The following SEC24B variants were observed in gnomAD, a reference collection of about 807,000 sequenced individuals.
SEC24B encodes protein transport protein Sec24B.
A neutral mutation model predicts 142.8 loss-of-function variants in SEC24B; 45 were observed. That is an observed-to-expected ratio of 0.32 (90% confidence interval 0.25 to 0.40). The LOEUF is 0.40. Among genes scored for constraint, SEC24B ranks in the 10% least tolerant of loss-of-function variants. The pLI is 1.00. For synonymous variants in SEC24B, 574 were observed against 568.2 expected (o/e 1.01, Z -0.15); for missense variants, 1,409 against 1,526.8 (o/e 0.92, Z 1.29).
intron 18 of SEC24B, 104 bp from the exon 19 acceptor site, chr4:109,530,185 C>T: frequency 1.0e-6 from 1 of 972,096 alleles, no homozygotes; most frequent in South Asian, 2.5e-5. Flanking sequence ...ATCCTAAAAA[C>T]TTAGCTGAAT....
At chr4:109,468,162 A>G (rs894431581) in intron 2 of SEC24B, among the ~76,000 whole-genome samples, 2 of 152,246 alleles carry the variant, frequency 1.3e-5, no homozygotes, top group African/African-American at 4.8e-5. Flanking sequence ...CTCATACAAA[A>G]TACAAGTAGT....
intron 5 of SEC24B, among the ~76,000 whole-genome samples, chr4:109,492,551 A>G (rs937844586): frequency 1.3e-5 from 2 of 152,200 alleles, no homozygotes; most frequent in African/African-American, 4.8e-5. Flanking sequence ...TCTTATAATG[A>G]ACTATGTGTT....
Position 109,438,500 on chromosome 4 carries a change from A to G in SEC24B, c.133+4498A>G, listed in dbSNP as rs551700342. Among the ~76,000 whole-genome samples, 11 of 152,254 alleles carry G rather than the reference A, an allele frequency of 7.2e-5. No homozygotes were observed. In the South Asian group the frequency reaches 2.3e-3, roughly 32 times the overall value. ...AGCTAACTTTTAAAAAAAAATTTGT[A>G]GAGACTGATCTCAAACTCCTGGCTT... is the stretch of plus-strand genomic sequence containing the variant. On this transcript the variant is annotated intron_variant, in intron 1 of 23. Transcript: ENST00000265175.
At chr4:109,518,693 T>C (rs1017338555) in intron 11 of SEC24B, among the ~76,000 whole-genome samples, 2 of 152,310 alleles carry the variant, frequency 1.3e-5, no homozygotes, top group Non-Finnish European at 1.5e-5. Flanking sequence ...GCCCCTACTT[T>C]AGTCACAAGT....
At chr4:109,437,559 C>G (rs755213611) in intron 1 of SEC24B, among the ~76,000 whole-genome samples, 1 of 152,130 alleles carries the variant, frequency 6.6e-6, no homozygotes, top group Non-Finnish European at 1.5e-5. Context: ...CAAAGTCTTG[C>G]GATTATAGGT....
At chr4:109,523,537 G>A (rs1482204374) in intron 14 of SEC24B, among the ~76,000 whole-genome samples, 1 of 152,016 alleles carries the variant, frequency 6.6e-6, no homozygotes, top group African/African-American at 2.4e-5. Context: ...CATTACTTGG[G>A]TTTTATGTGA....
At chr4:109,462,301 A>G (rs772079149) in intron 1 of SEC24B, among the ~76,000 whole-genome samples, 3 of 152,222 alleles carry the variant, frequency 2.0e-5, no homozygotes, top group African/African-American at 7.2e-5. Flanking sequence ...CTTGTAAAAC[A>G]ACAACTATTT....
At chr4:109,438,885 A>G (rs1014108279) in intron 1 of SEC24B, among the ~76,000 whole-genome samples, 14 of 152,200 alleles carry the variant, frequency 9.2e-5, no homozygotes, top group Non-Finnish European at 1.8e-4. Flanking sequence ...CATACCAAGC[A>G]TTAATTGAAT....
At chr4:109,493,029 T>G (rs1204838798) in intron 5 of SEC24B, among the ~76,000 whole-genome samples, 1 of 152,182 alleles carries the variant, frequency 6.6e-6, no homozygotes, top group East Asian at 1.9e-4. Flanking sequence ...GCCATTGTTT[T>G]TTTTTATTTC....
chr4:109,508,410 C>CA (rs1276324616), intron 7 of SEC24B, among the ~76,000 whole-genome samples: 1 of 151,506 alleles, frequency 6.6e-6, no homozygotes, highest in African/African-American at 2.4e-5. Context: ...TCCAAAAAAA[C>CA]AAAAAAATTA....
chr4:109,461,805 T>TAA (rs1203141699), intron 1 of SEC24B, among the ~76,000 whole-genome samples: 1 of 152,158 alleles, frequency 6.6e-6, no homozygotes, highest in Non-Finnish European at 1.5e-5. Context: ...TTAGGAAAAA[T>TAA]AAAAACTGAG....
chr4:109,510,152 A>T, intron 8 of SEC24B, 41 bp downstream of exon 8: 1 of 1,057,044 alleles, frequency 9.5e-7, no homozygotes, highest in Non-Finnish European at 1.4e-6. Context: ...ACTGACATGT[A>T]TGCTTATGTA....
At chr4:109,486,151 AGTT>A (rs1303200157) in intron 4 of SEC24B, among the ~76,000 whole-genome samples, 1 of 152,140 alleles carries the variant, frequency 6.6e-6, no homozygotes, top group Non-Finnish European at 1.5e-5. Context: ...ATATCTGTGA[AGTT>A]GTAATAGTAG....
chr4:109,530,888 T>C (rs1579001751), intron 19 of SEC24B, among the ~76,000 whole-genome samples: 1 of 105,974 alleles, frequency 9.4e-6, no homozygotes. Context: ...AGAGCGAGAC[T>C]CCGTCTCAAA....
chr4:109,512,455 T>G (rs1578946070), intron 9 of SEC24B, among the ~76,000 whole-genome samples: 1 of 152,320 alleles, frequency 6.6e-6, no homozygotes, highest in African/African-American at 2.4e-5. Context: ...TGTATATATG[T>G]CTGTCTCTTG....
intron 3 of SEC24B, among the ~76,000 whole-genome samples, chr4:109,474,965 T>A (rs968176399): frequency 2.0e-5 from 3 of 152,222 alleles, no homozygotes; most frequent in Non-Finnish European, 4.4e-5. Flanking sequence ...CTTCCTTTTT[T>A]ACAGATGAGA....
intron 18 of SEC24B, among the ~76,000 whole-genome samples, chr4:109,527,720 C>T (rs540931921): frequency 6.3e-4 from 96 of 151,240 alleles, no homozygotes; most frequent in African/African-American, 2.3e-3. Flanking sequence ...TGCAGTGAGC[C>T]GAGACCGCAT....
chr4:109,504,412 C>T (rs1326627510), intron 6 of SEC24B, among the ~76,000 whole-genome samples: 2 of 151,966 alleles, frequency 1.3e-5, no homozygotes, highest in Admixed American at 1.3e-4. Flanking sequence ...GCCCCACTCC[C>T]TTTTTTTAAT....
At chr4:109,495,557 T>C (rs1291585686) in intron 6 of SEC24B, among the ~76,000 whole-genome samples, 1 of 152,214 alleles carries the variant, frequency 6.6e-6, no homozygotes, top group African/African-American at 2.4e-5. Flanking sequence ...CCAAATTTTA[T>C]AGTCCATCTT....
Sources: allele counts gnomAD v4.1 joint callset (sites outside exome capture counted in the v4.1 genomes callset), GRCh38; gene constraint gnomAD v4.1.1; transcripts MANE v1.5; gene names NCBI Gene and HGNC (gene_info 2026-07-23, HGNC 2026-07-21).